Variants in PDE1A observed in about 807,000 individuals in gnomAD.
The protein encoded by PDE1A is phosphodiesterase 1A.
A neutral mutation model predicts 61.7 loss-of-function variants in PDE1A; 35 were observed. The ratio of observed to expected loss-of-function variants is 0.57; its 90% CI spans 0.43 to 0.75. The LOEUF is 0.75. Among genes scored for constraint, PDE1A ranks in the 30% least tolerant of loss-of-function variants. The probability of loss-of-function intolerance (pLI) is 0.00; values close to 1 mark genes in which losing one functional copy is unlikely to be tolerated. For synonymous variants in PDE1A, 232 were observed against 213.2 expected (o/e 1.09, Z -0.77); for missense variants, 597 against 630.6 (o/e 0.95, Z 0.57).
At chr2:182,145,273 A>T (rs1364144711), downstream of PDE1A, among the ~76,000 whole-genome samples, 1 of 152,184 alleles carries the variant, frequency 6.6e-6, no homozygotes, top group African/African-American at 2.4e-5. Context: ...ATAAGGTGCT[A>T]CTGAAGATCA....
intron 1 of PDE1A, among the ~76,000 whole-genome samples, chr2:182,302,960 A>C (rs905190040): frequency 2.0e-5 from 3 of 152,210 alleles, no homozygotes; most frequent in African/African-American, 7.2e-5. Context: ...TTAACATGAG[A>C]TTGCAGCAAT....
chr2:182,281,338 G>A (rs1183026948), intron 1 of PDE1A, among the ~76,000 whole-genome samples: 1 of 151,884 alleles, frequency 6.6e-6, no homozygotes, highest in Non-Finnish European at 1.5e-5. Context: ...GTTATAATGA[G>A]TGCTTTGTCT....
At chr2:182,144,686 C>T (rs1196834569), downstream of PDE1A, among the ~76,000 whole-genome samples, 1 of 152,144 alleles carries the variant, frequency 6.6e-6, no homozygotes, top group African/African-American at 2.4e-5. Flanking sequence ...TGATGGCAGC[C>T]AGCAAAGAAT....
intron 2 of PDE1A, among the ~76,000 whole-genome samples, chr2:182,259,833 T>C (rs1486304004): frequency 6.6e-6 from 1 of 152,244 alleles, no homozygotes; most frequent in Non-Finnish European, 1.5e-5. Flanking sequence ...AAAATGCTAC[T>C]TTGCTTGGCA....
chr2:182,157,428 A>C (rs2125289223), intron 13 of PDE1A, among the ~76,000 whole-genome samples: 1 of 152,330 alleles, frequency 6.6e-6, no homozygotes, highest in South Asian at 2.1e-4. Flanking sequence ...AGCAAGAGCT[A>C]TGAACTGTTT....
At chr2:182,518,806 G>A (rs535943189) in intron 2 of PDE1A, among the ~76,000 whole-genome samples, 32 of 151,956 alleles carry the variant, frequency 2.1e-4, no homozygotes, top group African/African-American at 4.6e-4. Flanking sequence ...ATTTCATGTC[G>A]TTTTCACTGA....
intron 2 of PDE1A, among the ~76,000 whole-genome samples, chr2:182,490,769 G>C (rs141352788): frequency 6.6e-6 from 1 of 152,140 alleles, no homozygotes; most frequent in Non-Finnish European, 1.5e-5. Context: ...GCTAAAGCAG[G>C]CACAATTTTA....
At chr2:182,574,682 T>G in the PDE1A span, among the ~76,000 whole-genome samples, 1 of 151,678 alleles carries the variant, frequency 6.6e-6, no homozygotes, top group East Asian at 1.9e-4. Flanking sequence ...ACAGTCTACG[T>G]TTTTTTTGTT....
the PDE1A span, among the ~76,000 whole-genome samples, chr2:182,611,264 T>C: frequency 6.6e-6 from 1 of 152,016 alleles, no homozygotes; most frequent in Non-Finnish European, 1.5e-5. Context: ...CACACAGAAC[T>C]CCAAGCTGTT....
At chr2:182,636,311 T>C in the PDE1A span, among the ~76,000 whole-genome samples, 1 of 152,214 alleles carries the variant, frequency 6.6e-6, no homozygotes, top group East Asian at 1.9e-4. Flanking sequence ...TTAATAGCTG[T>C]CTCCTAGTTC....
At chr2:182,182,370 C>T (rs1009797922) in intron 13 of PDE1A, among the ~76,000 whole-genome samples, 3 of 152,118 alleles carry the variant, frequency 2.0e-5, no homozygotes, top group African/African-American at 4.8e-5. Context: ...TACCCTCCTT[C>T]TACTCACACA....
the PDE1A span, among the ~76,000 whole-genome samples, chr2:182,694,123 T>C: frequency 6.6e-6 from 1 of 152,262 alleles, no homozygotes; most frequent in Non-Finnish European, 1.5e-5. Context: ...GATATATTTA[T>C]GTCGTTGATT....
At chr2:182,704,215 A>AAC in the PDE1A span, among the ~76,000 whole-genome samples, 2 of 150,464 alleles carry the variant, frequency 1.3e-5, no homozygotes, top group Non-Finnish European at 3.0e-5. Flanking sequence ...CGTCTGGAAA[A>AAC]AAAAAAAAAA....
upstream of PDE1A, among the ~76,000 whole-genome samples, chr2:182,429,244 T>C (rs11686025): frequency 0.22 from 33,869 of 151,992 alleles, 4,059 homozygotes; most frequent in Middle Eastern, 0.43. Flanking sequence ...TCAAAGAACA[T>C]TTAAATTTAA....
intron 5 of PDE1A, among the ~76,000 whole-genome samples, chr2:182,230,507 G>A (rs1421369371): frequency 6.6e-6 from 1 of 152,076 alleles, no homozygotes; most frequent in Admixed American, 6.6e-5. Context: ...GGTTAAAATA[G>A]ATTATCTCTC....
chr2:182,471,203 TAAAGA>T, intron 2 of PDE1A, among the ~76,000 whole-genome samples: 1 of 151,878 alleles, frequency 6.6e-6, no homozygotes, highest in East Asian at 1.9e-4. Flanking sequence ...TTAGAAGTTA[TAAAGA>T]AGAGATACAT....
chr2:182,241,903 C>G (rs868357634), intron 2 of PDE1A: 1 of 1,534,984 alleles, frequency 6.5e-7, no homozygotes, highest in Non-Finnish European at 8.7e-7. Context: ...GTTTGTTTAT[C>G]TTTTTGCCCA....
chr2:182,716,593 C>G, the PDE1A span: 2 of 152,568 alleles, frequency 1.3e-5, no homozygotes, highest in African/African-American at 4.8e-5. Context: ...CCTGTGCGCT[C>G]TTAAGACCTG....
intron 2 of PDE1A, among the ~76,000 whole-genome samples, chr2:182,492,797 T>C (rs1574790432): frequency 6.6e-6 from 1 of 152,218 alleles, no homozygotes; most frequent in South Asian, 2.1e-4. Flanking sequence ...CTAAATTTTT[T>C]TGATGCAGTG....
Sources: gnomAD v4.1 joint callset for allele counts (sites outside exome capture counted in the v4.1 genomes callset) on GRCh38, gnomAD v4.1.1 for gene constraint, MANE v1.5 for transcripts, NCBI Gene and HGNC (gene_info 2026-07-23, HGNC 2026-07-21) for gene names.